KCNQ3: variants seen among roughly 807,000 people sequenced by gnomAD.
KCNQ3 encodes potassium voltage-gated channel subfamily KQT member 3.
Under a neutral mutation model 92.5 loss-of-function variants are expected in KCNQ3, and 30 were observed. That is an observed-to-expected ratio of 0.32 (90% CI 0.24 to 0.44). The LOEUF (loss-of-function observed/expected upper bound fraction) is 0.44. Among genes scored for constraint, KCNQ3 ranks in the 20% least tolerant of loss-of-function variants. The pLI is 1.00. For synonymous variants in KCNQ3, 450 were observed against 468.8 expected, an observed-to-expected ratio of 0.96 and a Z score of 0.52; for missense variants, 913 against 1,140.3, an observed-to-expected ratio of 0.80 and a Z score of 2.87.
intron 1 of KCNQ3, among the ~76,000 whole-genome samples, chr8:132,439,250 A>G (rs1821469638): frequency 6.6e-6 from 1 of 151,880 alleles, no homozygotes; most frequent in South Asian, 2.1e-4. Context: ...CCGGAAATTC[A>G]ATTCATCCCA....
intron 1 of KCNQ3, among the ~76,000 whole-genome samples, chr8:132,432,764 C>A (rs2130826156): frequency 6.6e-6 from 1 of 152,314 alleles, no homozygotes; most frequent in Non-Finnish European, 1.5e-5. Context: ...AGCAATATTG[C>A]AATCCTTCAC....
chr8:132,129,146 C>T lies in KCNQ3; in HGVS notation c.*116G>A. 7.8e-7 allele frequency: 1 copy of T among 1,289,032 alleles called. No homozygotes were observed. Among genetic ancestry groups the T allele is most frequent in the Non-Finnish European group, 1.1e-6 (1 of 919,754 alleles). The allele number at this position is 1,289,032 out of a possible 1,614,324, so 79.8% of individuals were successfully genotyped here. A position where few individuals can be genotyped will look rare whatever the true frequency, so the allele number is the denominator to read the frequency against. ...CCTGCCTGGGTGGGGCCACCACGCA[C>T]ACGCATGCATTTGATGCAGCCATTG... On this transcript the variant is annotated 3_prime_UTR_variant, in exon 15 of 15. Coordinates refer to ENST00000388996, the MANE Select transcript of KCNQ3 (RefSeq NM_004519.4). The surrounding 1 kb of genome is among the most constrained non-coding windows in gnomAD (Gnocchi z 5.9).
At chr8:132,419,297 C>A (rs971531848) in intron 1 of KCNQ3, among the ~76,000 whole-genome samples, 1 of 152,190 alleles carries the variant, frequency 6.6e-6, no homozygotes, top group Non-Finnish European at 1.5e-5. Context: ...AACTATTAGA[C>A]CATTTGTCTG....
At chr8:132,441,393 A>G (rs950217178) in intron 1 of KCNQ3, among the ~76,000 whole-genome samples, 4 of 152,106 alleles carry the variant, frequency 2.6e-5, no homozygotes, top group Admixed American at 2.6e-4. Flanking sequence ...TATTAAAAAT[A>G]AAAATAAAAA....
At chr8:132,242,268 G>A (rs1370320044) in intron 1 of KCNQ3, among the ~76,000 whole-genome samples, 1 of 152,148 alleles carries the variant, frequency 6.6e-6, no homozygotes, top group East Asian at 1.9e-4. Flanking sequence ...ACTGTCCATA[G>A]GACACTGTGC....
At chr8:132,147,339 C>G (rs1026820672) in intron 9 of KCNQ3, among the ~76,000 whole-genome samples, 12 of 92,546 alleles carry the variant, frequency 1.3e-4, no homozygotes, top group Non-Finnish European at 2.9e-4. Context: ...CGTATTATAA[C>G]CATCATAAGC....
At chr8:132,435,391 A>T (rs563345068) in intron 1 of KCNQ3, among the ~76,000 whole-genome samples, 2 of 152,142 alleles carry the variant, frequency 1.3e-5, no homozygotes, top group African/African-American at 4.8e-5. Flanking sequence ...AGAGGCGGGG[A>T]GGGATCTCCT....
intron 8 of KCNQ3, among the ~76,000 whole-genome samples, chr8:132,165,933 A>G: frequency 6.6e-6 from 1 of 152,210 alleles, no homozygotes; most frequent in Admixed American, 6.5e-5. Context: ...AGCAGATCCA[A>G]TGTTATTTGG....
intron 1 of KCNQ3, among the ~76,000 whole-genome samples, chr8:132,317,807 G>A (rs1268198151): frequency 6.6e-6 from 1 of 152,176 alleles, no homozygotes; most frequent in Non-Finnish European, 1.5e-5. Flanking sequence ...GCTTTAAGGA[G>A]CCATGGTCAA....
intron 1 of KCNQ3, among the ~76,000 whole-genome samples, chr8:132,233,363 C>T (rs1358308688): frequency 6.6e-6 from 1 of 152,124 alleles, no homozygotes; most frequent in Non-Finnish European, 1.5e-5. Context: ...TCTATAGGTC[C>T]ATTCCATAAA....
intron 1 of KCNQ3, among the ~76,000 whole-genome samples, chr8:132,294,000 G>GTTTTT (rs386414036): frequency 5.1e-4 from 63 of 124,166 alleles, no homozygotes; most frequent in Non-Finnish European, 7.4e-4. Flanking sequence ...TGTGTGTGTG[G>GTTTTT]TTTTTTTTTT....
intron 1 of KCNQ3, among the ~76,000 whole-genome samples, chr8:132,292,610 T>C (rs952343779): frequency 6.6e-6 from 1 of 152,146 alleles, no homozygotes; most frequent in Non-Finnish European, 1.5e-5. Context: ...GATGGAGAGT[T>C]GGATACATGG....
rs114635870 is a variant in KCNQ3, at chr8:132,313,160, G to A, written c.387-126979C>T. On this transcript the variant is annotated intron_variant, in intron 1 of 14. Coordinates refer to ENST00000388996, the MANE Select transcript of KCNQ3 (RefSeq NM_004519.4). Reference sequence around the variant, plus strand: ...ACTCCCTGTTTACAGAAAAATTAAGGGGAGAATAAAGAATATTGTGGTATG... The same window carrying A: ...ACTCCCTGTTTACAGAAAAATTAAGAGGAGAATAAAGAATATTGTGGTATG... Among the ~76,000 whole-genome samples the A allele has an allele frequency of 6.4e-3, 969 of 152,278 alleles. 12 individuals are homozygous for A. The highest frequency in any genetic ancestry group is 0.022 in the African/African-American group (928 of 41,558).
intron 1 of KCNQ3, among the ~76,000 whole-genome samples, chr8:132,336,624 C>T (rs949262890): frequency 2.6e-5 from 4 of 152,216 alleles, no homozygotes; most frequent in Non-Finnish European, 5.9e-5. Context: ...ACCACCTCCT[C>T]TCTGTCTAGC....
In KCNQ3 at chr8:132,480,709, G is replaced by T. The variant is rs1822542732; in HGVS notation, c.-177C>A. The T allele has an allele frequency of 1.0e-5, 6 of 601,634 alleles. No homozygotes were observed. Among genetic ancestry groups the T allele is most frequent in the Non-Finnish European group, 1.3e-5 (6 of 473,482 alleles). The allele number at this position is 601,634 out of a possible 1,614,324, so 37.3% of individuals were successfully genotyped here. A position where few individuals can be genotyped will look rare whatever the true frequency, so the allele number is the denominator to read the frequency against. On this transcript the variant is annotated 5_prime_UTR_variant, in exon 1 of 15. Coordinates refer to ENST00000388996, the MANE Select transcript of KCNQ3 (RefSeq NM_004519.4). ...GCAGGCAAAGGCGGGCCCCCTGGGG[G>T]GCAGGGGAGGCCAGGCAGGGGGTCA...
At chr8:132,454,968 G>A (rs562411646) in intron 1 of KCNQ3, among the ~76,000 whole-genome samples, 1 of 152,292 alleles carries the variant, frequency 6.6e-6, no homozygotes, top group East Asian at 1.9e-4. Context: ...ATTTAGAGGT[G>A]TTAAAATCAC....
rs185821406 is a variant in KCNQ3 at position 132,272,637 on chromosome 8, G to C, written c.387-86456C>G. On this transcript the variant is annotated intron_variant, in intron 1 of 14. Transcript: ENST00000388996. ...TTACATGGATGGGGGCAGGCAAAGA[G>C]AGAGAGCTTGTGCAGGGGAACTCCT... Among the ~76,000 whole-genome samples, 160 of 152,344 alleles carry C rather than the reference G, an allele frequency of 1.1e-3. 1 individual carries two copies. The highest frequency in any genetic ancestry group is 1.6e-4 in the Non-Finnish European group (11 of 68,034).
intron 12 of KCNQ3, among the ~76,000 whole-genome samples, chr8:132,135,572 A>G (rs555616669): frequency 1.3e-5 from 2 of 152,260 alleles, no homozygotes; most frequent in Admixed American, 6.5e-5. Context: ...CAAATGCTAG[A>G]AACACATTTG....
Position 132,375,426 on chromosome 8 carries a change from T to A in KCNQ3, c.386+104721A>T, listed in dbSNP as rs568218983. Among the ~76,000 whole-genome samples the A allele has an allele frequency of 8.5e-5, 13 of 152,292 alleles. No homozygotes were observed. In the South Asian group the frequency reaches 2.7e-3, roughly 32 times the overall value. On this transcript the variant is annotated intron_variant, in intron 1 of 14. Transcript: ENST00000388996. ...CTCACATCTCTGCTTCAGCATTCAA[T>A]CTGTCTTGATCTCACTCATTCTGCA...
Sources: gnomAD v4.1 joint callset for allele counts (sites outside exome capture counted in the v4.1 genomes callset) on GRCh38, gnomAD v4.1.1 for gene constraint, Gnocchi (gnomAD v3.1) non-coding constraint, MANE v1.5 for transcripts, NCBI Gene and HGNC (gene_info 2026-07-23, HGNC 2026-07-21) for gene names.